ICE1: variants seen among roughly 807,000 people sequenced by gnomAD.
The protein encoded by ICE1 is interactor of little elongation complex ELL subunit 1.
ICE1 carries 64 observed loss-of-function variants against 192.7 expected under a neutral mutation model. The ratio of observed to expected loss-of-function variants is 0.33; its 90% CI spans 0.27 to 0.41. The LOEUF (loss-of-function observed/expected upper bound fraction) is 0.41, where lower values mean the gene tolerates loss of function less well. Ranked by LOEUF, ICE1 falls within the 10% of genes least tolerant of loss-of-function variation. ICE1 has a pLI of 1.00. For missense variants in ICE1, 2,708 were observed against 2,696.0 expected, an observed-to-expected ratio of 1.00 and a Z score of -0.10; for synonymous variants, 1,010 against 984.5, an observed-to-expected ratio of 1.03 and a Z score of -0.49.
chr5:5,476,603 T>C (rs957645538), intron 17 of ICE1, among the ~76,000 whole-genome samples: 9 of 152,046 alleles, frequency 5.9e-5, no homozygotes, highest in African/African-American at 1.9e-4. Context: ...ACATCACATA[T>C]GGAAAGCAGG....
chr5:5,471,749 T>G (rs184413430), intron 15 of ICE1, among the ~76,000 whole-genome samples: 21 of 152,256 alleles, frequency 1.4e-4, no homozygotes, highest in Admixed American at 2.6e-4. Flanking sequence ...ATCAGTAGTA[T>G]TGTCTTCAGT....
chr5:5,481,387 C>T lies in ICE1; in HGVS notation c.6520+5308C>T, dbSNP rs1739500442. On this transcript the variant is annotated intron_variant, in intron 17 of 18. Coordinates refer to ENST00000296564, the MANE Select transcript of ICE1 (RefSeq NM_015325.3). ...GTTTTTTGTGGTCAGCAGCCTTATACGACAGCGGAAGCAGCCTCTTTGCGT... is the reference window on the plus strand; with the variant it reads ...GTTTTTTGTGGTCAGCAGCCTTATATGACAGCGGAAGCAGCCTCTTTGCGT... Among the ~76,000 whole-genome samples, 5 of 152,026 alleles carry T rather than the reference C, an allele frequency of 3.3e-5. No individual in the cohort carries two copies. The South Asian group carries it at 8.3e-4, about 25-fold the overall frequency.
chr5:5,441,832 TC>T (rs1367901744), intron 5 of ICE1, among the ~76,000 whole-genome samples: 1 of 152,244 alleles, frequency 6.6e-6, no homozygotes, highest in Admixed American at 6.5e-5. Context: ...TCTTTTCATT[TC>T]TTTTTTTGGC....
intron 1 of ICE1, among the ~76,000 whole-genome samples, chr5:5,424,952 A>G (rs935274471): frequency 6.6e-6 from 1 of 152,192 alleles, no homozygotes; most frequent in Non-Finnish European, 1.5e-5. Context: ...GGCGATGGAA[A>G]TGGTGAGTCA....
chr5:5,478,381 T>C (rs1182906404), intron 17 of ICE1, among the ~76,000 whole-genome samples: 1 of 152,118 alleles, frequency 6.6e-6, no homozygotes, highest in Non-Finnish European at 1.5e-5. Context: ...GAGAATAAAA[T>C]GCCTAGTAAT....
At chr5:5,438,510 G>A (rs909395548) in intron 3 of ICE1, among the ~76,000 whole-genome samples, 5 of 152,094 alleles carry the variant, frequency 3.3e-5, no homozygotes, top group Non-Finnish European at 7.4e-5. Context: ...TTAACTATAC[G>A]TGCATATTAT....
intron 1 of ICE1, among the ~76,000 whole-genome samples, chr5:5,427,756 G>A (rs1737567551): frequency 1.3e-5 from 2 of 152,152 alleles, no homozygotes; most frequent in East Asian, 3.8e-4. Flanking sequence ...CATTTATTGA[G>A]CTTCGATGTA....
chr5:5,447,372 A>G, intron 7 of ICE1, 55 bp from the exon 8 acceptor site: 1 of 1,033,862 alleles, frequency 9.7e-7, no homozygotes, highest in Non-Finnish European at 1.4e-6. Context: ...CATTAACCAC[A>G]GTAGTAAAGT....
In ICE1 at chr5:5,430,538, G is replaced by C. The variant is rs115587848; in HGVS notation, c.85-5880G>C. On this transcript the variant is annotated intron_variant, in intron 1 of 18. Transcript: ENST00000296564. Reference sequence around the variant, plus strand: ...TAGACAGATATACAAGAGTTGTTAAGACAACAAGTCAGCAGCCCCCAGCCC... The same window carrying C: ...TAGACAGATATACAAGAGTTGTTAACACAACAAGTCAGCAGCCCCCAGCCC... 4.7e-3 allele frequency among the ~76,000 whole-genome samples: 710 copies of C among 152,236 alleles called. 5 individuals carry two copies. Among genetic ancestry groups the C allele is most frequent in the African/African-American group, 0.016 (677 of 41,532 alleles).
At chr5:5,438,049 A>G (rs542874981) in intron 3 of ICE1, among the ~76,000 whole-genome samples, 2 of 152,360 alleles carry the variant, frequency 1.3e-5, no homozygotes, top group South Asian at 2.1e-4. Flanking sequence ...TGTATAAAGG[A>G]AAGAGGTTTA....
At chr5:5,428,238 C>T (rs532109248) in intron 1 of ICE1, among the ~76,000 whole-genome samples, 1 of 152,128 alleles carries the variant, frequency 6.6e-6, no homozygotes, top group African/African-American at 2.4e-5. Context: ...GGTGGACATT[C>T]CTGCCTTGTT....
chr5:5,424,712 G>A (rs1011019897), intron 1 of ICE1, among the ~76,000 whole-genome samples: 14 of 152,286 alleles, frequency 9.2e-5, no homozygotes, highest in Admixed American at 7.8e-4. Context: ...GTCCTGGAAC[G>A]TTTATATTGG....
Position 5,475,957 on chromosome 5 carries a change from T to G in ICE1, c.6414-16T>G. On this transcript the variant is annotated splice_polypyrimidine_tract_variant and intron_variant, in intron 16 of 18. Transcript: ENST00000296564. The stretch of plus-strand genomic sequence containing the variant: ...GTGATGATGAGCATACATCTTTTCA[T>G]GTTGTTTTTTTATAGTAAGGAGCTG... 6.9e-7 allele frequency: 1 copy of G among 1,457,604 alleles called. No individual in the cohort carries two copies. The highest frequency in any genetic ancestry group is 9.6e-7 in the Non-Finnish European group (1 of 1,041,800). 90.3% of individuals were successfully genotyped at this position (1,457,604 alleles called of 1,614,324 possible).
rs769155902 is a variant in ICE1, at chr5:5,463,730, TCTG to T, written c.4400_4402del (p.Ala1467del). 27 of 1,613,870 alleles carry T rather than the reference TCTG, an allele frequency of 1.7e-5. No homozygotes were observed. Among genetic ancestry groups the T allele is most frequent in the South Asian group, 1.6e-4 (15 of 91,068 alleles). On this transcript the variant is annotated inframe_deletion, in exon 13 of 19. Coordinates refer to ENST00000296564, the MANE Select transcript of ICE1 (RefSeq NM_015325.3). The stretch of plus-strand genomic sequence containing the variant: ...GGAAGCTGGTTGCATCCCAGTGACT[TCTG>T]CTGAGAAGTCCCCAGAGGCCAGTCA...
At chr5:5,431,788 A>G (rs1290220521) in intron 1 of ICE1, among the ~76,000 whole-genome samples, 1 of 151,970 alleles carries the variant, frequency 6.6e-6, no homozygotes, top group Non-Finnish European at 1.5e-5. Flanking sequence ...GGCCCTTTCA[A>G]TTAGAAATTT....
chr5:5,463,420 C>T lies in ICE1; in HGVS notation c.4086C>T (p.Asp1362=), dbSNP rs199818300. The change falls in exon 13 of 19, where the codon GAC becomes GAT. Residue 1362 remains aspartate, a synonymous_variant. Coordinates refer to ENST00000296564, the MANE Select transcript of ICE1 (RefSeq NM_015325.3). ...GGCAAACCGATGGTGGGGAAGAAGA[C>T]CTGCCAGAACCTGTGGAGCCATCAG... ...AGRQTDGGEE[D]LPEPVEPSAL... 2 of 1,613,320 alleles carry T rather than the reference C, an allele frequency of 1.2e-6. No individual in the cohort carries two copies. Among genetic ancestry groups the T allele is most frequent in the African/African-American group, 1.3e-5 (1 of 75,010 alleles).
At chr5:5,446,272 A>T (rs1370733760) in intron 7 of ICE1, among the ~76,000 whole-genome samples, 1 of 151,046 alleles carries the variant, frequency 6.6e-6, no homozygotes, top group Admixed American at 6.6e-5. Context: ...CTGATACTAC[A>T]GGTGTGAGCC....
In ICE1 at chr5:5,462,371, G is replaced by T; in HGVS notation, c.3037G>T (p.Gly1013Trp). 6.2e-7 allele frequency: 1 copy of T among 1,614,010 alleles called. No homozygotes were observed. Among genetic ancestry groups the T allele is most frequent in the East Asian group, 2.2e-5 (1 of 44,880 alleles). The change falls in exon 13 of 19, where the codon GGG becomes TGG. Residue 1013 changes from glycine to tryptophan, a missense_variant. Physicochemically the swap from Gly to Trp is radical, Grantham distance 184 (BLOSUM62 -2). Transcript: ENST00000296564. The part of the protein sequence containing the change: ...LPATEVTVSG[G>W]FSVEETSCGD... ...AGCCACAGAAGTGACTGTGTCAGGAGGGTTTTCTGTTGAAGAAACCAGCTG... is the reference window on the plus strand; with the variant it reads ...AGCCACAGAAGTGACTGTGTCAGGATGGTTTTCTGTTGAAGAAACCAGCTG...
At position 5,489,544 on chromosome 5, in the gene ICE1, C is replaced by T; in HGVS notation, c.*214C>T. On this transcript the variant is annotated 3_prime_UTR_variant, in exon 19 of 19. Transcript: ENST00000296564. ...TAAATCTAATACGTTTCACTTAAGG[C>T]TGTTGTGATCTGTGACATATGGGTT... 2.2e-6 allele frequency: 1 copy of T among 452,694 alleles called. No individual in the cohort carries two copies. Among genetic ancestry groups the T allele is most frequent in the Non-Finnish European group, 3.9e-6 (1 of 259,160 alleles). The allele number at this position is 452,694 out of a possible 1,614,324, so 28.0% of individuals were successfully genotyped here.
Sources: allele counts gnomAD v4.1 joint callset (sites outside exome capture counted in the v4.1 genomes callset), GRCh38; gene constraint gnomAD v4.1.1; transcripts MANE v1.5; gene names NCBI Gene and HGNC (gene_info 2026-07-23, HGNC 2026-07-21).